Variants in TAF1 observed in about 807,000 individuals in gnomAD.
TAF1 encodes TATA-box binding protein associated factor 1, also known as transcription initiation factor TFIID subunit 1.
A neutral mutation model predicts 138.5 loss-of-function variants in TAF1; 2 were observed. The observed-to-expected ratio is 0.01, with a 90% CI of 0.01 to 0.05. TAF1 has a LOEUF of 0.05. TAF1 is among the 10% of genes least tolerant of loss of function. TAF1 has a pLI of 1.00. For synonymous variants in TAF1, 437 were observed against 503.2 expected (o/e 0.87, Z 1.76); for missense variants, 709 against 1,478.0 (o/e 0.48, Z 8.53).
chrX:71,459,545 C>T lies in TAF1; in HGVS notation c.5065-7C>T. 8.3e-7 allele frequency: 1 copy of T among 1,210,230 alleles called. No homozygotes were observed. Among genetic ancestry groups the T allele is most frequent in the South Asian group, 1.8e-5 (1 of 56,798 alleles). ...TAGGACTTTGACCCCCAACTGGTCT[C>T]ATTCAGGAAGGTGAAGATGGAGATG... On this transcript the variant is annotated splice_polypyrimidine_tract_variant and splice_region_variant and intron_variant, in intron 35 of 37. Coordinates refer to ENST00000423759, the MANE Select transcript of TAF1 (RefSeq NM_004606.5).
chrX:71,373,268 A>G (rs900841175), intron 3 of TAF1, among the ~76,000 whole-genome samples: 2 of 106,887 alleles, frequency 1.9e-5, no homozygotes, highest in African/African-American at 6.9e-5. Context: ...CCCCGGTTCA[A>G]GCATTTCTCC....
Position 71,452,317 on chromosome X carries a change from G to A in TAF1, c.4754-1853G>A, listed in dbSNP as rs1216011612. On this transcript the variant is annotated intron_variant, in intron 32 of 37. Coordinates refer to ENST00000423759, the MANE Select transcript of TAF1 (RefSeq NM_004606.5). ...TCACTTCTCAGACGGGGCGGTTGCCGGGCGGAGGGTCTCCTCACTTCTCAG... is the reference window on the plus strand; with the variant it reads ...TCACTTCTCAGACGGGGCGGTTGCCAGGCGGAGGGTCTCCTCACTTCTCAG... Among the ~76,000 whole-genome samples the A allele has an allele frequency of 2.3e-4, 25 of 108,373 alleles. No homozygotes were observed. In the East Asian group the frequency reaches 4.8e-3, roughly 21 times the overall value. The allele number at this position is 108,373 out of a possible 115,157, so 94.1% of individuals were successfully genotyped here.
chrX:71,512,761 T>C (rs1038312755), intron 13 of TAF1, among the ~76,000 whole-genome samples: 4 of 111,105 alleles, frequency 3.6e-5, no homozygotes, highest in Non-Finnish European at 7.6e-5. Context: ...GAGGTTGCAG[T>C]GAGCCGAGAT....
chrX:71,375,001 G>A (rs1014222532), intron 3 of TAF1, among the ~76,000 whole-genome samples, 166 bp from the exon 4 acceptor site: 2 of 107,728 alleles, frequency 1.9e-5, no homozygotes, highest in African/African-American at 6.8e-5. Flanking sequence ...AGGAGAACTC[G>A]GGAGGTGGAG....
At chrX:71,368,289 T>A in intron 3 of TAF1, 119 bp downstream of exon 3, 1 of 707,622 alleles carries the variant, frequency 1.4e-6, no homozygotes, top group Non-Finnish European at 2.1e-6. Flanking sequence ...ATGCCTTTGC[T>A]TTGGCTCCTC....
intron 3 of TAF1, 30 bp downstream of exon 3, chrX:71,368,200 T>G: frequency 8.4e-7 from 1 of 1,183,970 alleles, no homozygotes; most frequent in Non-Finnish European, 1.1e-6. Flanking sequence ...GCTTGAACAT[T>G]CCAGTGCATT....
At chrX:71,457,657 C>G (rs2038365870) in intron 34 of TAF1, among the ~76,000 whole-genome samples, 1 of 111,845 alleles carries the variant, frequency 8.9e-6, no homozygotes, top group African/African-American at 3.2e-5. Context: ...CATTATCATC[C>G]ATGTTTTATA....
At chrX:71,478,666 G>A (rs144013014) in intron 13 of TAF1, among the ~76,000 whole-genome samples, 1,227 of 111,714 alleles carry the variant, frequency 0.011, 6 homozygotes, top group South Asian at 0.027. Context: ...ACCAGACTGG[G>A]TAACATAGGG....
chrX:71,467,482 AG>A (rs1360416638), downstream of TAF1, among the ~76,000 whole-genome samples: 21 of 111,838 alleles, frequency 1.9e-4, no homozygotes, highest in African/African-American at 6.5e-4. Context: ...GGGAGGTTTC[AG>A]TAAGGATGCC....
intron 32 of TAF1, among the ~76,000 whole-genome samples, chrX:71,447,476 G>A (rs190734991): frequency 1.6e-4 from 18 of 110,928 alleles, no homozygotes; most frequent in Non-Finnish European, 2.8e-4. Context: ...GCCGAGGCAG[G>A]TAGATCACTG....
intron 32 of TAF1, among the ~76,000 whole-genome samples, chrX:71,435,129 A>G (rs929520607): frequency 8.0e-5 from 9 of 112,357 alleles, no homozygotes; most frequent in Non-Finnish European, 1.5e-4. Context: ...AACTCCAGTA[A>G]GAAGCCATCT....
chrX:71,424,341 C>T (rs2036493537), intron 32 of TAF1, 103 bp downstream of exon 32: 3 of 576,404 alleles, frequency 5.2e-6, no homozygotes, highest in African/African-American at 4.8e-5. Flanking sequence ...CAGGATCTTG[C>T]TCTCTTACCC....
chrX:71,438,644 T>C (rs180857973), intron 32 of TAF1, among the ~76,000 whole-genome samples: 1 of 111,990 alleles, frequency 8.9e-6, no homozygotes, highest in African/African-American at 3.2e-5. Context: ...CTCACCCTAG[T>C]ATTTGACATC....
Position 71,464,401 on chromosome X carries a change from C to G in TAF1, c.*355C>G. 1 of 350,823 alleles carries G rather than the reference C, an allele frequency of 2.9e-6. No homozygotes were observed. The highest frequency in any genetic ancestry group is 4.9e-6 in the Non-Finnish European group (1 of 205,130). The allele number at this position is 350,823 out of a possible 1,213,427, so 28.9% of individuals were successfully genotyped here. On this transcript the variant is annotated 3_prime_UTR_variant, in exon 38 of 38. Transcript: ENST00000423759. The stretch of plus-strand genomic sequence containing the variant: ...GAAAGAACTAGTAACTTTATGTCCT[C>G]TTGATGTATTAGGAAATTTCCGGCC...
chrX:71,511,119 A>T (rs922784252), intron 13 of TAF1, among the ~76,000 whole-genome samples: 9 of 104,332 alleles, frequency 8.6e-5, no homozygotes, highest in Admixed American at 2.0e-4. Context: ...TAAAAAAAAT[A>T]AAAAAAAAAG....
At chrX:71,418,704 A>G (rs2036160446) in intron 28 of TAF1, among the ~76,000 whole-genome samples, 1 of 109,417 alleles carries the variant, frequency 9.1e-6, no homozygotes, top group African/African-American at 3.3e-5. Flanking sequence ...GGAGTGTAGG[A>G]GATAGGTCAG....
At chrX:71,386,881 T>C (rs2034264790) in intron 14 of TAF1, among the ~76,000 whole-genome samples, 2 of 113,098 alleles carry the variant, frequency 1.8e-5, no homozygotes, top group Non-Finnish European at 3.7e-5. Context: ...CATTATGAAG[T>C]GATTTTCATA....
At chrX:71,513,684 C>T (rs938856926) in intron 13 of TAF1, among the ~76,000 whole-genome samples, 1 of 111,471 alleles carries the variant, frequency 9.0e-6, no homozygotes, top group African/African-American at 3.3e-5. Flanking sequence ...GAGTTCGAGA[C>T]CAGCCTGGGC....
At chrX:71,434,934 T>C (rs977308080) in intron 32 of TAF1, among the ~76,000 whole-genome samples, 1 of 112,628 alleles carries the variant, frequency 8.9e-6, no homozygotes, top group Non-Finnish European at 1.9e-5. Context: ...TACTACTTAA[T>C]GTTTAGTTAA....
Sources: allele counts gnomAD v4.1 joint callset (sites outside exome capture counted in the v4.1 genomes callset), GRCh38; gene constraint gnomAD v4.1.1; transcripts MANE v1.5; gene names NCBI Gene and HGNC (gene_info 2026-07-23, HGNC 2026-07-21).